Variants in NAA25 observed in about 807,000 individuals in gnomAD.
NAA25 encodes the protein N-terminal acetyltransferase B complex subunit NAA25.
A neutral mutation model predicts 132.5 loss-of-function variants in NAA25; 30 were observed. The ratio of observed to expected loss-of-function variants is 0.23; its 90% CI spans 0.17 to 0.31. The LOEUF (loss-of-function observed/expected upper bound fraction) is 0.31. Among genes scored for constraint, NAA25 ranks in the 10% least tolerant of loss-of-function variants. NAA25 has a pLI of 1.00. For missense variants in NAA25, 771 were observed against 1,150.4 expected (o/e 0.67, Z 4.77); for synonymous variants, 359 against 401.9 (o/e 0.89, Z 1.28).
chr12:112,102,169 C>T (rs922798711), intron 1 of NAA25, among the ~76,000 whole-genome samples: 4 of 151,564 alleles, frequency 2.6e-5, no homozygotes, highest in African/African-American at 7.3e-5. Context: ...CCAGCCTGGG[C>T]GACAAGAGTG....
Position 112,093,116 on chromosome 12 carries a change from T to G in NAA25, c.79A>C (p.Asn27His), listed in dbSNP as rs2079160466. ...PIYDYLDNGN[N>H]KMAIQQADKL... is the part of the protein sequence containing the mutation. ...TCTGCTTGCTGAATTGCCATTTTAT[T>G]ATTACCATTGTCAAGATAATCTATG... Residue 27 changes from asparagine (N) to histidine (H), a missense_variant, in exon 2 of 24, where the codon AAT becomes CAT. Transcript: ENST00000261745. The G allele has an allele frequency of 1.2e-6, 2 of 1,606,798 alleles. No homozygotes were observed. The highest frequency in any genetic ancestry group is 1.7e-4 in the Middle Eastern group (1 of 6,052).
At chr12:112,079,357 G>T (rs953701449) in intron 5 of NAA25, among the ~76,000 whole-genome samples, 1 of 152,102 alleles carries the variant, frequency 6.6e-6, no homozygotes, top group East Asian at 1.9e-4. Flanking sequence ...GCTGGGGCAG[G>T]TGGATCCCTT....
intron 22 of NAA25, chr12:112,034,876 G>A (rs183021223): frequency 6.6e-6 from 1 of 151,284 alleles, no homozygotes; most frequent in East Asian, 1.9e-4. Flanking sequence ...GAATCTGTCT[G>A]TATCAATAGC....
chr12:112,073,212 G>A (rs1373609847), intron 9 of NAA25, among the ~76,000 whole-genome samples: 1 of 151,880 alleles, frequency 6.6e-6, no homozygotes. Context: ...TCCAGCCTAG[G>A]TGACAGAGTG....
intron 1 of NAA25, among the ~76,000 whole-genome samples, chr12:112,097,780 C>T (rs1221342881): frequency 6.6e-6 from 1 of 152,002 alleles, no homozygotes; most frequent in African/African-American, 2.4e-5. Flanking sequence ...CAAAAGTCAA[C>T]ATGTTGGGTT....
intron 2 of NAA25, 64 bp from the exon 3 acceptor site, chr12:112,090,928 A>C: frequency 1.4e-6 from 2 of 1,473,684 alleles, no homozygotes; most frequent in South Asian, 1.2e-5. Context: ...AACCAAAGAA[A>C]GCCGATCTGA....
At chr12:112,070,640 C>T (rs1325106123) in intron 10 of NAA25, among the ~76,000 whole-genome samples, 2 of 152,060 alleles carry the variant, frequency 1.3e-5, no homozygotes, top group African/African-American at 2.4e-5. Context: ...TGCGGTGGCG[C>T]GATCTTGGCT....
intron 11 of NAA25, among the ~76,000 whole-genome samples, chr12:112,066,460 T>G (rs1217850807): frequency 6.6e-6 from 1 of 152,164 alleles, no homozygotes; most frequent in Non-Finnish European, 1.5e-5. Flanking sequence ...TTTTTCTCAG[T>G]GAGCCAAATT....
intron 23 of NAA25, among the ~76,000 whole-genome samples, chr12:112,033,007 C>T (rs1208050833): frequency 1.3e-5 from 2 of 151,982 alleles, no homozygotes; most frequent in African/African-American, 2.4e-5. Context: ...AAGAACAACC[C>T]CAAAAATGCA....
In NAA25 at chr12:112,043,647, C is replaced by A; in HGVS notation, c.2228G>T (p.Arg743Leu). 1 of 1,614,074 alleles carries A rather than the reference C, an allele frequency of 6.2e-7. No individual in the cohort carries two copies. Residue 743 changes from arginine (R) to leucine (L), a missense_variant, in exon 18 of 24, where the codon CGA (arginine) becomes CTA (leucine). Arg to Leu is a moderately radical substitution (Grantham distance 102, BLOSUM62 -2). This residue lies in a region of NAA25 where 324 missense variants were observed against 400.0 expected (regional missense o/e 0.81). Coordinates refer to ENST00000261745, the MANE Select transcript of NAA25 (RefSeq NM_024953.4). ...QLEATLETGK[R>L]FIEKDIQYPF... ...TACCTGAATATCCTTCTCAATAAATCGCTTTCCTGTCTCCAGGGTTGCCTC... is the reference window on the plus strand; with the variant it reads ...TACCTGAATATCCTTCTCAATAAATAGCTTTCCTGTCTCCAGGGTTGCCTC...
intron 23 of NAA25, among the ~76,000 whole-genome samples, chr12:112,032,312 A>C (rs2078160777): frequency 6.6e-6 from 1 of 152,032 alleles, no homozygotes; most frequent in African/African-American, 2.4e-5. Flanking sequence ...AACTGCTCTG[A>C]GCCCTTTCCC....
intron 20 of NAA25, among the ~76,000 whole-genome samples, chr12:112,041,798 C>CA (rs1364142796): frequency 1.3e-5 from 2 of 151,950 alleles, no homozygotes; most frequent in Admixed American, 6.6e-5. Flanking sequence ...TCCAAAATAA[C>CA]AAAAAAATTA....
At chr12:112,066,915 G>A (rs2078726304) in intron 11 of NAA25, among the ~76,000 whole-genome samples, 1 of 152,198 alleles carries the variant, frequency 6.6e-6, no homozygotes, top group Non-Finnish European at 1.5e-5. Flanking sequence ...TGCTCCCAGT[G>A]CACTTCATTC....
At chr12:112,061,755 AG>A (rs1481411466) in intron 11 of NAA25, among the ~76,000 whole-genome samples, 23 of 152,318 alleles carry the variant, frequency 1.5e-4, no homozygotes, top group Middle Eastern at 3.4e-3. Flanking sequence ...AGAAAAGAGC[AG>A]ATTACCAAAA....
At position 112,053,823 on chromosome 12, in the gene NAA25, A is replaced by T. The variant is rs1273608299; in HGVS notation, c.1629-166T>A. Among the ~76,000 whole-genome samples the T allele has an allele frequency of 3.0e-5, 4 of 131,842 alleles. No homozygotes were observed. In the East Asian group the frequency reaches 5.0e-3, roughly 165 times the overall value. The allele number at this position is 131,842 out of a possible 152,430, so 86.5% of individuals were successfully genotyped here. Reference sequence around the variant, plus strand: ...GATCTAATTCACCAGTTAAAATTTAAAAAAAAAAAAAAAAAAAAGCCAAAA... The same window carrying T: ...GATCTAATTCACCAGTTAAAATTTATAAAAAAAAAAAAAAAAAAGCCAAAA... On this transcript the variant is annotated intron_variant, in intron 14 of 23. Coordinates refer to ENST00000261745, the MANE Select transcript of NAA25 (RefSeq NM_024953.4).
In NAA25 at chr12:112,104,362, C is replaced by T. The variant is rs79651982; in HGVS notation, c.58+4354G>A. Among the ~76,000 whole-genome samples, 895 of 151,934 alleles carry T rather than the reference C, an allele frequency of 5.9e-3. 11 individuals carry two copies. Among genetic ancestry groups the T allele is most frequent in the African/African-American group, 0.02 (843 of 41,378 alleles). ...GTGCCATACCTGACCATCAATTCCA[C>T]TTCCAATTATCTAAAAATATGAGCG... On this transcript the variant is annotated intron_variant, in intron 1 of 23. Coordinates refer to ENST00000261745, the MANE Select transcript of NAA25 (RefSeq NM_024953.4).
chr12:112,047,580 G>T (rs2078406817), intron 17 of NAA25, 85 bp downstream of exon 17: 2 of 1,478,946 alleles, frequency 1.4e-6, no homozygotes, highest in Non-Finnish European at 1.8e-6. Flanking sequence ...GTTCGAAGCT[G>T]CAGTGAGCTA....
rs758688642 is a variant in NAA25, at chr12:112,087,654, T to C, written c.402+29A>G. On this transcript the variant is annotated intron_variant, in intron 4 of 23. Transcript: ENST00000261745. Reference sequence around the variant, plus strand: ...CTTTTGCCTCTAATAGTAAATCCCATAGCCCAGTAGGTTTGGGGATCAAAT... The same window carrying C: ...CTTTTGCCTCTAATAGTAAATCCCACAGCCCAGTAGGTTTGGGGATCAAAT... 6.8e-6 allele frequency: 10 copies of C among 1,480,136 alleles called. No homozygotes were observed. In the East Asian group the frequency reaches 6.8e-5, roughly 10 times the overall value. The allele number at this position is 1,480,136 out of a possible 1,614,324, so 91.7% of individuals were successfully genotyped here.
intron 11 of NAA25, 91 bp downstream of exon 11, chr12:112,068,789 C>T (rs7959079): frequency 2.7e-5 from 19 of 697,014 alleles, no homozygotes; most frequent in South Asian, 7.8e-5. Context: ...TTATCAATTC[C>T]GCACATTTTA....
Sources: gnomAD v4.1 joint callset for allele counts (sites outside exome capture counted in the v4.1 genomes callset) on GRCh38, gnomAD v4.1.1 for gene constraint, gnomAD v4.1.1 regional missense constraint, MANE v1.5 for transcripts, NCBI Gene and HGNC (gene_info 2026-07-23, HGNC 2026-07-21) for gene names.